The following CNTN1 variants were observed in gnomAD, a reference collection of about 807,000 sequenced individuals.
The protein encoded by CNTN1 is contactin 1.
CNTN1 carries 38 observed loss-of-function variants against 126.4 expected under a neutral mutation model. The observed-to-expected ratio is 0.30, with a 90% CI of 0.23 to 0.39. The LOEUF (loss-of-function observed/expected upper bound fraction) is 0.39. Ranked by LOEUF, CNTN1 falls within the 10% of genes least tolerant of loss-of-function variation. The pLI, the probability that CNTN1 is intolerant of heterozygous loss-of-function variation, is 1.00. For missense variants in CNTN1, 1,009 were observed against 1,248.4 expected (o/e 0.81, Z 2.89); for synonymous variants, 413 against 422.6 (o/e 0.98, Z 0.28).
chr12:40,709,002 C>T (rs1941840945), intron 1 of CNTN1, among the ~76,000 whole-genome samples: 1 of 152,184 alleles, frequency 6.6e-6, no homozygotes, highest in South Asian at 2.1e-4. Context: ...CAAATGTACT[C>T]AATGACATCT....
intron 1 of CNTN1, among the ~76,000 whole-genome samples, chr12:40,905,721 G>T (rs1236649128): frequency 6.6e-6 from 1 of 152,012 alleles, no homozygotes; most frequent in African/African-American, 2.4e-5. Flanking sequence ...TTATGTGTTT[G>T]CTTTTTCTAA....
In CNTN1 at chr12:40,980,955, C is replaced by T; in HGVS notation, c.1851C>T (p.Ala617=). ...PGGLRIEDIR[A]TSVALTWSRG... ...GTCTGAGAATAGAAGACATTAGAGC[C>T]ACTTCTGTGGCACTTACTTGGAGCC... Residue 617 remains alanine, a synonymous_variant, in exon 16 of 24, where the codon GCC becomes GCT. Coordinates refer to ENST00000551295, the MANE Select transcript of CNTN1 (RefSeq NM_001843.4). The T allele has an allele frequency of 3.1e-6, 5 of 1,613,968 alleles. No individual in the cohort carries two copies. Among genetic ancestry groups the T allele is most frequent in the Non-Finnish European group, 4.2e-6 (5 of 1,179,912 alleles).
intron 15 of CNTN1, chr12:40,978,867 G>T (rs1305559953): frequency 2.6e-5 from 4 of 152,052 alleles, no homozygotes; most frequent in African/African-American, 9.7e-5. Context: ...ATACCCCTAT[G>T]CTCAGAAAAA....
chr12:40,855,137 G>A (rs1426862172), intron 1 of CNTN1, among the ~76,000 whole-genome samples: 2 of 152,086 alleles, frequency 1.3e-5, no homozygotes, highest in Non-Finnish European at 2.9e-5. Context: ...AGTAACCTTG[G>A]ATAGAAATAC....
intron 4 of CNTN1, among the ~76,000 whole-genome samples, 197 bp downstream of exon 4, chr12:40,918,968 C>A (rs1362936742): frequency 2.0e-5 from 3 of 152,106 alleles, no homozygotes; most frequent in Non-Finnish European, 1.5e-5. Flanking sequence ...GCAAATAATT[C>A]TCTTACTATT....
At chr12:41,023,030 G>T (rs948799504) in intron 20 of CNTN1, among the ~76,000 whole-genome samples, 2 of 152,052 alleles carry the variant, frequency 1.3e-5, no homozygotes, top group Non-Finnish European at 2.9e-5. Flanking sequence ...CGGTAGGGGG[G>T]AGGGGGGTCT....
At chr12:40,959,667 A>C (rs1238985589) in intron 15 of CNTN1, among the ~76,000 whole-genome samples, 2 of 152,064 alleles carry the variant, frequency 1.3e-5, no homozygotes, top group Non-Finnish European at 2.9e-5. Context: ...TAATTTATAC[A>C]TGTATCATGT....
At chr12:40,847,484 T>G (rs1942554923) in intron 1 of CNTN1, among the ~76,000 whole-genome samples, 1 of 151,644 alleles carries the variant, frequency 6.6e-6, no homozygotes, top group South Asian at 2.1e-4. Context: ...CAGCCAAAAC[T>G]TTTTTTTTGT....
intron 1 of CNTN1, among the ~76,000 whole-genome samples, chr12:40,768,024 T>C (rs1370591548): frequency 2.0e-5 from 3 of 151,032 alleles, no homozygotes; most frequent in East Asian, 3.9e-4. Flanking sequence ...CTAAAGCTTA[T>C]ACATTTATAG....
At chr12:40,907,130 A>G (rs1944860121) in intron 1 of CNTN1, among the ~76,000 whole-genome samples, 1 of 152,192 alleles carries the variant, frequency 6.6e-6, no homozygotes, top group African/African-American at 2.4e-5. Flanking sequence ...GCCCTAGGCC[A>G]TATCATTCTT....
chr12:40,977,502 G>A (rs1312110458), intron 15 of CNTN1, among the ~76,000 whole-genome samples: 1 of 151,974 alleles, frequency 6.6e-6, no homozygotes, highest in African/African-American at 2.4e-5. Flanking sequence ...TGGCTGGGGG[G>A]CTTAGAATTT....
chr12:40,865,636 G>A (rs12368083), intron 1 of CNTN1, among the ~76,000 whole-genome samples: 36,183 of 151,840 alleles, frequency 0.24, 4,777 homozygotes, highest in South Asian at 0.35. Flanking sequence ...TTGACCATAA[G>A]GGTAAAGGCT....
intron 3 of CNTN1, among the ~76,000 whole-genome samples, chr12:40,917,544 G>A (rs944486293): frequency 1.3e-5 from 2 of 152,124 alleles, no homozygotes; most frequent in Non-Finnish European, 2.9e-5. Flanking sequence ...TTCAAGTTTA[G>A]TGTCAGAGAA....
At chr12:40,780,965 C>T (rs747931324) in intron 1 of CNTN1, among the ~76,000 whole-genome samples, 7 of 150,984 alleles carry the variant, frequency 4.6e-5, no homozygotes, top group Non-Finnish European at 1.0e-4. Context: ...ATTAATGCAT[C>T]AGGCTTTCTT....
At chr12:40,707,227 C>CTTTCTTTTTTT (rs1941782156) in intron 1 of CNTN1, among the ~76,000 whole-genome samples, 1 of 109,166 alleles carries the variant, frequency 9.2e-6, no homozygotes, top group Non-Finnish European at 1.8e-5. Flanking sequence ...TTTTCTTTTT[C>CTTTCTTTTTTT]TTTTTTTTTT....
chr12:40,925,844 G>GTA (rs1201149636), intron 6 of CNTN1, among the ~76,000 whole-genome samples: 3,431 of 38,188 alleles, frequency 0.09, 69 homozygotes, highest in East Asian at 0.13. Flanking sequence ...GTGTGTGTGT[G>GTA]TATATATATA....
At chr12:40,883,037 G>A (rs572016785) in intron 1 of CNTN1, among the ~76,000 whole-genome samples, 2 of 151,478 alleles carry the variant, frequency 1.3e-5, no homozygotes, top group African/African-American at 4.8e-5. Flanking sequence ...TCTATGTCTT[G>A]CACAATATAT....
intron 1 of CNTN1, among the ~76,000 whole-genome samples, chr12:40,769,679 G>A (rs1939258682): frequency 6.6e-6 from 1 of 152,094 alleles, no homozygotes; most frequent in South Asian, 2.1e-4. Context: ...CAATTTTGCT[G>A]CTTTAGGATA....
intron 1 of CNTN1, among the ~76,000 whole-genome samples, chr12:40,737,349 ATGTGTGTGTG>A (rs1185641804): frequency 1.7e-5 from 2 of 116,106 alleles, no homozygotes; most frequent in Non-Finnish European, 3.5e-5. Flanking sequence ...GTGTGTATAT[ATGTGTGTGTG>A]TATATATATA....
Sources: gnomAD v4.1 joint callset for allele counts (sites outside exome capture counted in the v4.1 genomes callset) on GRCh38, gnomAD v4.1.1 for gene constraint, MANE v1.5 for transcripts, NCBI Gene and HGNC (gene_info 2026-07-23, HGNC 2026-07-21) for gene names.